Variants in GON4L observed in about 807,000 individuals in gnomAD.
GON4L encodes the protein gon-4 like.
Under a neutral mutation model 211.8 loss-of-function variants are expected in GON4L, and 87 were observed. The ratio of observed to expected loss-of-function variants is 0.41; its 90% CI spans 0.35 to 0.49. The LOEUF (loss-of-function observed/expected upper bound fraction) is 0.49, where lower values mean the gene tolerates loss of function less well. Ranked by LOEUF, GON4L falls within the 20% of genes least tolerant of loss-of-function variation. The pLI, the probability that GON4L is intolerant of heterozygous loss-of-function variation, is 0.15. For synonymous variants in GON4L, 875 were observed against 962.6 expected (o/e 0.91, Z 1.68); for missense variants, 2,155 against 2,659.5 (o/e 0.81, Z 4.17).
chr1:155,810,234 TCCA>T (rs1039004276), intron 10 of GON4L, among the ~76,000 whole-genome samples: 2 of 151,124 alleles, frequency 1.3e-5, no homozygotes, highest in African/African-American at 4.9e-5. Flanking sequence ...CCTCGGGTGA[TCCA>T]CCCGCCTGGG....
At chr1:155,774,699 C>A (rs971409410) in intron 17 of GON4L, 17 of 467,332 alleles carry the variant, frequency 3.6e-5, no homozygotes, top group Admixed American at 6.7e-5. Flanking sequence ...TTATCTCGAT[C>A]TGACTCCTAA....
chr1:155,765,134 C>T lies in GON4L; in HGVS notation c.4339G>A (p.Gly1447Arg). ...VDGQSVGTPVGPETGGEKNGP... is the reference protein window; with the variant it reads ...VDGQSVGTPVRPETGGEKNGP... ...TTCTTCTCTCCTCCAGTTTCTGGCCCAACTGGAGTCCCCACTGACTGACCA... is the reference window on the plus strand; with the variant it reads ...TTCTTCTCTCCTCCAGTTTCTGGCCTAACTGGAGTCCCCACTGACTGACCA... Residue 1447 changes from glycine to arginine, a missense_variant, in exon 21 of 32, where the codon GGG (glycine) becomes AGG (arginine). Gly to Arg is a moderately radical substitution (Grantham distance 125). Transcript: ENST00000368331. The T allele has an allele frequency of 6.2e-7, 1 of 1,614,090 alleles. No individual in the cohort carries two copies. Among genetic ancestry groups the T allele is most frequent in the Non-Finnish European group, 8.5e-7 (1 of 1,179,972 alleles).
intron 2 of GON4L, among the ~76,000 whole-genome samples, chr1:155,827,586 T>C (rs1391307793): frequency 6.6e-6 from 1 of 151,960 alleles, no homozygotes; most frequent in Non-Finnish European, 1.5e-5. Flanking sequence ...TTGGGGGGGC[T>C]GAGCTGGGAG....
intron 17 of GON4L, among the ~76,000 whole-genome samples, chr1:155,774,216 C>G (rs1663523365): frequency 6.6e-6 from 1 of 152,086 alleles, no homozygotes; most frequent in Non-Finnish European, 1.5e-5. Flanking sequence ...AATGTATAAT[C>G]TCTAACTTAT....
Position 155,771,991 on chromosome 1 carries a change from C to T in GON4L, c.2496-774G>A, listed in dbSNP as rs145258005. The stretch of plus-strand genomic sequence containing the variant: ...CAGCCTGGCCAACATGGTGAAACCT[C>T]GTCTCTACTAAAAATACAAAAAATA... On this transcript the variant is annotated intron_variant, in intron 18 of 31. Transcript: ENST00000368331. Among the ~76,000 whole-genome samples the T allele has an allele frequency of 1.1e-3, 172 of 152,136 alleles. 1 individual carries two copies. The highest frequency in any genetic ancestry group is 3.8e-3 in the African/African-American group (159 of 41,506).
chr1:155,771,318 T>G, intron 18 of GON4L, 101 bp from the exon 19 acceptor site: 2 of 1,522,968 alleles, frequency 1.3e-6, no homozygotes, highest in Non-Finnish European at 1.8e-6. Context: ...CATTTTTTTC[T>G]TGAGACAAGG....
At chr1:155,756,916 G>A (rs775520278) in intron 27 of GON4L, 42 bp downstream of exon 27, 56 of 1,484,664 alleles carry the variant, frequency 3.8e-5, no homozygotes, top group Middle Eastern at 1.7e-4. Context: ...GTGACAGAGC[G>A]AGATTCTGTC....
chr1:155,815,978 C>T lies in GON4L; in HGVS notation c.1066-78G>A, dbSNP rs1668201624. ...GTATTTGGAAAATAAGGGGAAGAAGCAGGGCAGAAAAAAAAAAAATCCTAA... is the reference window on the plus strand; with the variant it reads ...GTATTTGGAAAATAAGGGGAAGAAGTAGGGCAGAAAAAAAAAAAATCCTAA... On this transcript the variant is annotated intron_variant, in intron 7 of 31. Coordinates refer to ENST00000368331, the MANE Select transcript of GON4L (RefSeq NM_001282860.2). 5.5e-6 allele frequency: 5 copies of T among 910,986 alleles called. No homozygotes were observed. In the South Asian group the frequency reaches 7.0e-5, roughly 13 times the overall value. 56.4% of individuals were successfully genotyped at this position (910,986 alleles called of 1,614,324 possible).
At chr1:155,827,309 G>A (rs1048674785) in intron 2 of GON4L, among the ~76,000 whole-genome samples, 2 of 152,128 alleles carry the variant, frequency 1.3e-5, no homozygotes, top group African/African-American at 4.8e-5. Context: ...GGAAATTCCT[G>A]ATGACATTTT....
At chr1:155,759,719 C>T (rs1409683172) in intron 24 of GON4L, among the ~76,000 whole-genome samples, 1 of 151,684 alleles carries the variant, frequency 6.6e-6, no homozygotes, top group Non-Finnish European at 1.5e-5. Flanking sequence ...TAATCCCGTT[C>T]CTCCCTTTGT....
chr1:155,792,002 G>C (rs2101970331), intron 12 of GON4L, among the ~76,000 whole-genome samples: 1 of 152,036 alleles, frequency 6.6e-6, no homozygotes, highest in South Asian at 2.1e-4. Context: ...TTCAAATTTG[G>C]GTTCAATAAG....
intron 10 of GON4L, among the ~76,000 whole-genome samples, chr1:155,809,649 C>A (rs1364203959): frequency 3.6e-5 from 2 of 55,162 alleles, no homozygotes; most frequent in Non-Finnish European, 6.1e-5. Context: ...CTTATATATA[C>A]TTATAAATTA....
chr1:155,756,785 CGTG>C, intron 27 of GON4L, 170 bp downstream of exon 27: 2 of 578,042 alleles, frequency 3.5e-6, no homozygotes, highest in Non-Finnish European at 6.2e-6. Context: ...ATTTGCTGGG[CGTG>C]GTGGCTGGCG....
At chr1:155,764,426 ATTTTTTTTTT>A (rs371568461) in intron 21 of GON4L, 1 of 139,566 alleles carries the variant, frequency 7.2e-6, no homozygotes, top group African/African-American at 3.2e-5. Flanking sequence ...GTTATTTACT[ATTTTTTTTTT>A]TTTTTTTTTT....
chr1:155,783,987 G>A lies in GON4L; in HGVS notation c.1891C>T (p.Arg631Trp), dbSNP rs1664673767. The A allele has an allele frequency of 4.3e-6, 7 of 1,613,558 alleles. No individual in the cohort carries two copies. Among genetic ancestry groups the A allele is most frequent in the East Asian group, 4.5e-5 (2 of 44,888 alleles). The change falls in exon 14 of 32, where the codon CGG (arginine) becomes TGG (tryptophan). Residue 631 changes from arginine to tryptophan, a missense_variant and splice_region_variant. By Grantham distance (101) the Arg-to-Trp change is moderately radical. Coordinates refer to ENST00000368331, the MANE Select transcript of GON4L (RefSeq NM_001282860.2). ...RPNFNTPQAL[R>W]FEEPLANLLN... The stretch of plus-strand genomic sequence containing the variant: ...TCTCAAGGTCTTCAACTAGCCTACC[G>A]TAGAGCTTGAGGGGTGTTAAAGTTA...
chr1:155,812,127 A>G lies in GON4L; in HGVS notation c.1452+1507T>C, dbSNP rs80138898. On this transcript the variant is annotated intron_variant, in intron 10 of 31. Transcript: ENST00000368331. ...GATATATACTAATTAAAAATGGAAA[A>G]TAATAACTTTACAATGGGAAAACCA... 5.8e-3 allele frequency among the ~76,000 whole-genome samples: 876 copies of G among 152,248 alleles called. 8 individuals are homozygous for G. Among genetic ancestry groups the G allele is most frequent in the African/African-American group, 0.02 (850 of 41,546 alleles).
intron 1 of GON4L, among the ~76,000 whole-genome samples, chr1:155,854,590 T>C (rs891241377): frequency 1.4e-4 from 22 of 152,338 alleles, no homozygotes; most frequent in African/African-American, 4.8e-4. Context: ...TCAACCTGAA[T>C]CTCAGTGTCT....
chr1:155,748,732 C>T (rs1557813112), downstream of GON4L: 1 of 1,614,050 alleles, frequency 6.2e-7, no homozygotes, highest in Non-Finnish European at 8.5e-7. Flanking sequence ...CCTTCTGGAA[C>T]ACGTTGCTTT....
At chr1:155,845,357 T>C (rs1671135490) in intron 2 of GON4L, 1 of 210,002 alleles carries the variant, frequency 4.8e-6, no homozygotes, top group Non-Finnish European at 9.8e-6. Flanking sequence ...CCAGGCCTGG[T>C]GGCCAGAGTG....
Sources: gnomAD v4.1 joint callset for allele counts (sites outside exome capture counted in the v4.1 genomes callset) on GRCh38, gnomAD v4.1.1 for gene constraint, MANE v1.5 for transcripts, NCBI Gene and HGNC (gene_info 2026-07-23, HGNC 2026-07-21) for gene names.